Variants in ABR observed in about 807,000 individuals in gnomAD.
ABR encodes ABR activator of RhoGEF and GTPase, also known as active breakpoint cluster region-related protein.
A neutral mutation model predicts 107.2 loss-of-function variants in ABR; 35 were observed. The ratio of observed to expected loss-of-function variants is 0.33; its 90% CI spans 0.25 to 0.43. The LOEUF (loss-of-function observed/expected upper bound fraction) is 0.43, where lower values mean the gene tolerates loss of function less well. Ranked by LOEUF, ABR falls within the 20% of genes least tolerant of loss-of-function variation. ABR has a pLI of 1.00. For missense variants in ABR, 815 were observed against 1,115.2 expected (o/e 0.73, Z 3.83); for synonymous variants, 498 against 462.0 (o/e 1.08, Z -1.00).
intron 16 of ABR, among the ~76,000 whole-genome samples, chr17:1,049,141 A>G (rs1328540244): frequency 6.6e-6 from 1 of 152,160 alleles, no homozygotes; most frequent in Non-Finnish European, 1.5e-5. Flanking sequence ...ATATGTTTAT[A>G]GGGAGCCAAA....
At chr17:1,048,206 A>C (rs1278551706) in intron 16 of ABR, among the ~76,000 whole-genome samples, 1 of 152,226 alleles carries the variant, frequency 6.6e-6, no homozygotes, top group Non-Finnish European at 1.5e-5. Flanking sequence ...GTTGCCTGGC[A>C]GCCCTGTCTC....
intron 1 of ABR, chr17:1,228,051 T>TA (rs2043254910): frequency 6.6e-6 from 1 of 152,216 alleles, no homozygotes; most frequent in Non-Finnish European, 1.5e-5. Flanking sequence ...AACGAGCACT[T>TA]AATCTTTCTG....
rs775804045 is a variant in ABR, at chr17:1,185,654, T to TAAAAAAAAA, written c.-78+1137_-78+1145dup. Among the ~76,000 whole-genome samples the TAAAAAAAAA allele has an allele frequency of 1.7e-3, 66 of 39,344 alleles. 4 individuals carry two copies. Among genetic ancestry groups the TAAAAAAAAA allele is most frequent in the African/African-American group, 5.9e-3 (61 of 10,332 alleles). 25.8% of individuals were successfully genotyped at this position (39,344 alleles called of 152,430 possible). On this transcript the variant is annotated intron_variant, in intron 1 of 22. Transcript: ENST00000544583. ...AGTGAGACTCCGTCTCAGAAAGAAATAAAAAAAAAAAAAAAAAAAAAAAAA... is the reference window on the plus strand; with the variant it reads ...AGTGAGACTCCGTCTCAGAAAGAAATAAAAAAAAAAAAAAAAAAAAAAAAAAAAAAAAAA...
chr17:1,106,980 T>C (rs1273400961), intron 2 of ABR, among the ~76,000 whole-genome samples: 2 of 152,250 alleles, frequency 1.3e-5, no homozygotes, highest in East Asian at 3.9e-4. Context: ...AGAGTGTTTG[T>C]TGAATGAATC....
chr17:1,182,909 C>T (rs182668363), upstream of ABR, among the ~76,000 whole-genome samples: 5 of 152,280 alleles, frequency 3.3e-5, no homozygotes, highest in Admixed American at 2.6e-4. Context: ...GTTAACACCA[C>T]GGCCAGATGC....
Position 1,130,654 on chromosome 17 carries a change from C to G in ABR, c.62-5287G>C, listed in dbSNP as rs147131658. 2.1e-3 allele frequency among the ~76,000 whole-genome samples: 321 copies of G among 152,264 alleles called. 2 individuals are homozygous for G. Among genetic ancestry groups the G allele is most frequent in the African/African-American group, 7.4e-3 (306 of 41,548 alleles). On this transcript the variant is annotated intron_variant, in intron 1 of 22. Transcript: ENST00000302538. ...TAATTCCTGGGACCTGGGAATGTGA[C>G]CTTATTTGGAAAACATTCTTTGTAG...
intron 16 of ABR, among the ~76,000 whole-genome samples, chr17:1,014,576 T>C (rs988314715): frequency 2.0e-5 from 3 of 150,102 alleles, no homozygotes; most frequent in East Asian, 4.0e-4. Flanking sequence ...CGGTGGCTCA[T>C]GCCTGTAATC....
chr17:1,125,587 G>A (rs927681692), intron 1 of ABR: 43 of 377,860 alleles, frequency 1.1e-4, no homozygotes, highest in Admixed American at 2.8e-4. Flanking sequence ...GCTGGGAGGC[G>A]GGGAGGAGCG....
rs143886894 is a variant in ABR at position 1,105,987 on chromosome 17, C to G, written c.247-5252G>C. Among the ~76,000 whole-genome samples the G allele has an allele frequency of 3.0e-4, 45 of 152,308 alleles. No homozygotes were observed. In the East Asian group the frequency reaches 8.7e-3, roughly 29 times the overall value. On this transcript the variant is annotated intron_variant, in intron 2 of 22. Transcript: ENST00000302538. ...ACCTTCTACAACGCCCCCGTCACAA[C>G]CCTACCTATCTTTAAATAGAATGGC...
chr17:1,052,155 A>T (rs2032634346), intron 14 of ABR, among the ~76,000 whole-genome samples: 1 of 152,018 alleles, frequency 6.6e-6, no homozygotes, highest in African/African-American at 2.4e-5. Flanking sequence ...GGAGCAACAG[A>T]AAGAAGACCC....
intron 2 of ABR, among the ~76,000 whole-genome samples, chr17:1,105,732 A>G (rs367950496): frequency 6.6e-6 from 1 of 152,090 alleles, no homozygotes. Context: ...AATTAGCCCA[A>G]CGTGGTGGCA....
chr17:1,007,320 G>A lies in ABR; in HGVS notation c.2343-8C>T, dbSNP rs2070125259. 6.2e-7 allele frequency: 1 copy of A among 1,613,886 alleles called. No homozygotes were observed. The highest frequency in any genetic ancestry group is 8.5e-7 in the Non-Finnish European group (1 of 1,179,858). On this transcript the variant is annotated splice_region_variant and splice_polypyrimidine_tract_variant and intron_variant, in intron 21 of 22. Transcript: ENST00000302538. ...GGCTCCTTCTCGGCAACCCTAAGAA[G>A]GAGAAGATGGGGAGGAAAGAAGCCC...
chr17:1,095,110 C>T (rs920097500), intron 3 of ABR, among the ~76,000 whole-genome samples: 3 of 152,180 alleles, frequency 2.0e-5, no homozygotes, highest in African/African-American at 7.2e-5. Context: ...CGCCTTGGCG[C>T]AGTCCCCACT....
intron 12 of ABR, 40 bp downstream of exon 12, chr17:1,057,930 A>C: frequency 1.3e-6 from 2 of 1,569,824 alleles, no homozygotes; most frequent in Middle Eastern, 3.6e-4. Context: ...CATCAATGCC[A>C]CGGACATCAT....
chr17:1,073,737 C>A, intron 6 of ABR, 60 bp from the exon 7 acceptor site: 1 of 1,464,190 alleles, frequency 6.8e-7, no homozygotes, highest in Non-Finnish European at 9.3e-7. Context: ...ACCCAACACC[C>A]CAGAGACCAG....
Position 1,049,557 on chromosome 17 carries a change from C to T in ABR, c.1791+493G>A, listed in dbSNP as rs554165633. 1.6e-4 allele frequency among the ~76,000 whole-genome samples: 25 copies of T among 152,132 alleles called. 1 individual carries two copies. Among genetic ancestry groups the T allele is most frequent in the Non-Finnish European group, 3.5e-4 (24 of 68,030 alleles). On this transcript the variant is annotated intron_variant, in intron 16 of 22. Coordinates refer to ENST00000302538, the MANE Select transcript of ABR (RefSeq NM_021962.5). ...ACTCCCAACGCAGCTGAGTAAGGTC[C>T]GGCCACCCTAACAACAAGTCAGAGA...
intron 16 of ABR, among the ~76,000 whole-genome samples, chr17:1,043,194 G>A (rs894334114): frequency 4.6e-5 from 7 of 152,174 alleles, no homozygotes; most frequent in Admixed American, 3.3e-4. Context: ...TTGAGATGGA[G>A]TCTCACTCTA....
In ABR at chr17:1,010,968, GGT is replaced by G; in HGVS notation, c.2102-107_2102-106del. ...CCCCACCCACTCCAGCTCTGGTTCTGGTCTCCCCTGGAAGAGCAGGATGTAGA... is the reference window on the plus strand; with the variant it reads ...CCCCACCCACTCCAGCTCTGGTTCTGCTCCCCTGGAAGAGCAGGATGTAGA... On this transcript the variant is annotated intron_variant, in intron 19 of 22. Transcript: ENST00000302538. This position sits in a 1 kb window ranked among gnomAD's most constrained non-coding sequence, Gnocchi z 4.1. 1 of 1,464,760 alleles carries G rather than the reference GGT, an allele frequency of 6.8e-7. No homozygotes were observed. Among genetic ancestry groups the G allele is most frequent in the African/African-American group, 1.4e-5 (1 of 72,458 alleles). 90.7% of individuals were successfully genotyped at this position (1,464,760 alleles called of 1,614,324 possible).
At chr17:1,225,647 G>A (rs934620584) in intron 1 of ABR, among the ~76,000 whole-genome samples, 6 of 152,074 alleles carry the variant, frequency 3.9e-5, no homozygotes, top group Non-Finnish European at 8.8e-5. Flanking sequence ...GCGGGACTCT[G>A]TCTCGACAAA....
Sources: allele counts gnomAD v4.1 joint callset (sites outside exome capture counted in the v4.1 genomes callset), GRCh38; gene constraint gnomAD v4.1.1; non-coding constraint Gnocchi (gnomAD v3.1); transcripts MANE v1.5; gene names NCBI Gene and HGNC (gene_info 2026-07-23, HGNC 2026-07-21).